TEX29: variants seen among roughly 807,000 people sequenced by gnomAD.
TEX29 encodes testis-expressed protein 29.
A neutral mutation model predicts 18.2 loss-of-function variants in TEX29; 26 were observed. The observed-to-expected ratio is 1.43, with a 90% CI of 1.04 to 1.98. The LOEUF (loss-of-function observed/expected upper bound fraction) is 1.98, where lower values mean the gene tolerates loss of function less well. TEX29 is among the 30% of genes most tolerant of loss of function. The pLI is 0.00. For synonymous variants in TEX29, 83 were observed against 78.5 expected (o/e 1.06, Z -0.31); for missense variants, 177 against 194.2 (o/e 0.91, Z 0.53).
At chr13:111,329,736 T>A (rs2093679830) in intron 3 of TEX29, among the ~76,000 whole-genome samples, 1 of 152,036 alleles carries the variant, frequency 6.6e-6, no homozygotes, top group Non-Finnish European at 1.5e-5. Flanking sequence ...GCACTCAGAA[T>A]GGGAGGCACA....
At chr13:111,326,038 G>A (rs532465063) in intron 2 of TEX29, among the ~76,000 whole-genome samples, 60 of 152,352 alleles carry the variant, frequency 3.9e-4, no homozygotes, top group African/African-American at 1.4e-3. Context: ...GCCTGGCACT[G>A]TGGAGACAGC....
intron 3 of TEX29, among the ~76,000 whole-genome samples, chr13:111,329,682 C>T (rs2093679726): frequency 6.6e-6 from 1 of 152,074 alleles, no homozygotes; most frequent in Admixed American, 6.6e-5. Context: ...AAGTGGCTGA[C>T]TTGCGCTTCC....
chr13:111,343,016 A>C (rs988649570), intron 5 of TEX29, 85 bp downstream of exon 5: 11 of 1,478,942 alleles, frequency 7.4e-6, no homozygotes, highest in South Asian at 3.9e-5. Flanking sequence ...GAAGGGGCTC[A>C]ACATCTACAC....
chr13:111,316,882 A>G (rs976426066), upstream of TEX29, among the ~76,000 whole-genome samples: 1 of 152,296 alleles, frequency 6.6e-6, no homozygotes, highest in Non-Finnish European at 1.5e-5. Context: ...CAATCATGGC[A>G]GAAGGGGAAG....
upstream of TEX29, among the ~76,000 whole-genome samples, chr13:111,316,549 A>G (rs980501246): frequency 3.9e-5 from 6 of 152,036 alleles, no homozygotes; most frequent in African/African-American, 1.5e-4. Flanking sequence ...GAATTCCATG[A>G]CCAAAGGGCA....
intron 3 of TEX29, among the ~76,000 whole-genome samples, chr13:111,332,481 A>G (rs2093684157): frequency 6.6e-6 from 1 of 152,132 alleles, no homozygotes; most frequent in Non-Finnish European, 1.5e-5. Flanking sequence ...ATCTGAAAAT[A>G]TAGTTTTACT....
intron 3 of TEX29, among the ~76,000 whole-genome samples, chr13:111,332,620 A>G (rs1317475035): frequency 6.6e-6 from 1 of 152,210 alleles, no homozygotes; most frequent in Non-Finnish European, 1.5e-5. Flanking sequence ...TTAAGAAGAA[A>G]CTTTCAGTGT....
intron 2 of TEX29, among the ~76,000 whole-genome samples, chr13:111,326,394 G>GCCT (rs1400179786): frequency 2.0e-5 from 3 of 150,182 alleles, no homozygotes; most frequent in Non-Finnish European, 4.4e-5. Context: ...GGCAGCGTGA[G>GCCT]GCTGTCTGGT....
At chr13:111,322,583 AG>A (rs1460495425) in intron 2 of TEX29, among the ~76,000 whole-genome samples, 1 of 152,136 alleles carries the variant, frequency 6.6e-6, no homozygotes, top group Non-Finnish European at 1.5e-5. Flanking sequence ...CAGGTGTGCC[AG>A]GTCACCCAAG....
intron 3 of TEX29, among the ~76,000 whole-genome samples, chr13:111,329,925 C>T (rs915630345): frequency 1.3e-5 from 2 of 152,068 alleles, no homozygotes; most frequent in African/African-American, 4.8e-5. Context: ...AGATGAGCCC[C>T]TAGAACTTGT....
intron 3 of TEX29, among the ~76,000 whole-genome samples, chr13:111,334,722 T>C (rs920251129): frequency 6.6e-6 from 1 of 152,258 alleles, no homozygotes; most frequent in Non-Finnish European, 1.5e-5. Context: ...TTTCAGTTGC[T>C]TCTGATTATT....
chr13:111,322,390 C>T (rs1366585245), intron 2 of TEX29, among the ~76,000 whole-genome samples: 2 of 152,276 alleles, frequency 1.3e-5, no homozygotes, highest in Non-Finnish European at 2.9e-5. Flanking sequence ...GGAGAAAGCG[C>T]TCCCTCTTCC....
At chr13:111,334,545 G>A (rs538895960) in intron 3 of TEX29, among the ~76,000 whole-genome samples, 1 of 152,234 alleles carries the variant, frequency 6.6e-6, no homozygotes, top group Non-Finnish European at 1.5e-5. Context: ...TCCTTGCAAA[G>A]CCCACAGCAC....
intron 2 of TEX29, among the ~76,000 whole-genome samples, chr13:111,323,517 G>A (rs1051996205): frequency 2.0e-5 from 3 of 152,244 alleles, no homozygotes; most frequent in African/African-American, 4.8e-5. Context: ...TTTCCACACC[G>A]GTGTGAGTTC....
upstream of TEX29, among the ~76,000 whole-genome samples, chr13:111,320,383 C>G (rs2093661799): frequency 6.6e-6 from 1 of 152,190 alleles, no homozygotes. Context: ...GCACCTGTGC[C>G]CACAGGCTTG....
At chr13:111,326,382 C>T (rs1435570242) in intron 2 of TEX29, among the ~76,000 whole-genome samples, 8 of 148,876 alleles carry the variant, frequency 5.4e-5, no homozygotes, top group African/African-American at 7.5e-5. Context: ...GAGGAGACCG[C>T]GGGCAGCGTG....
intron 2 of TEX29, among the ~76,000 whole-genome samples, chr13:111,322,970 AC>A (rs2093667160): frequency 6.6e-6 from 1 of 152,006 alleles, no homozygotes; most frequent in Non-Finnish European, 1.5e-5. Context: ...TCTGCCACCC[AC>A]CCCTGGGTCT....
At chr13:111,331,706 T>A (rs1239522220) in intron 3 of TEX29, among the ~76,000 whole-genome samples, 1 of 152,202 alleles carries the variant, frequency 6.6e-6, no homozygotes, top group African/African-American at 2.4e-5. Flanking sequence ...CATTTTGGTC[T>A]TTTTATCCTT....
At position 111,320,964 on chromosome 13, in the gene TEX29, G is replaced by A. The variant is rs775198286; in HGVS notation, c.58+16G>A. On this transcript the variant is annotated intron_variant, in intron 2 of 5. Transcript: ENST00000283547. ...CAATTCACAGGTATGGAGGGAAGGC[G>A]CCAGGGGGGCGGGTGGGGTGGGGGA... The A allele has an allele frequency of 1.9e-5, 27 of 1,439,928 alleles. No individual in the cohort carries two copies. The African/African-American group carries it at 2.9e-4, about 15-fold the overall frequency. The allele number at this position is 1,439,928 out of a possible 1,614,324, so 89.2% of individuals were successfully genotyped here.
Sources: allele counts gnomAD v4.1 joint callset (sites outside exome capture counted in the v4.1 genomes callset), GRCh38; gene constraint gnomAD v4.1.1; transcripts MANE v1.5; gene names NCBI Gene and HGNC (gene_info 2026-07-23, HGNC 2026-07-21).